Variants in DGKB observed in about 807,000 individuals in gnomAD.
The protein encoded by DGKB is diacylglycerol kinase beta.
DGKB carries 67 observed loss-of-function variants against 114.3 expected under a neutral mutation model. The observed-to-expected ratio is 0.59, with a 90% CI of 0.48 to 0.72. DGKB has a LOEUF of 0.72. Ranked by LOEUF, DGKB falls within the 30% of genes least tolerant of loss-of-function variation. DGKB has a pLI of 0.00. For synonymous variants in DGKB, 398 were observed against 323.1 expected, an observed-to-expected ratio of 1.23 and a Z score of -2.49; for missense variants, 907 against 975.2, an observed-to-expected ratio of 0.93 and a Z score of 0.93.
intron 21 of DGKB, among the ~76,000 whole-genome samples, chr7:14,452,376 A>G (rs1831655132): frequency 6.6e-6 from 1 of 152,074 alleles, no homozygotes; most frequent in African/African-American, 2.4e-5. Flanking sequence ...TTGAAAATAT[A>G]TTTTAAAATA....
chr7:14,225,431 C>A (rs77413402), intron 23 of DGKB, among the ~76,000 whole-genome samples: 14,788 of 151,942 alleles, frequency 0.097, 886 homozygotes, highest in East Asian at 0.2. Flanking sequence ...ACCATAAGAC[C>A]ATGTAGAGAG....
chr7:14,352,503 A>T (rs1813659861), intron 21 of DGKB, among the ~76,000 whole-genome samples: 1 of 58,012 alleles, frequency 1.7e-5, no homozygotes, highest in Non-Finnish European at 3.5e-5. Context: ...TTGCAGAGTC[A>T]TACAAAAACG....
chr7:14,658,096 G>A (rs1816229108), intron 13 of DGKB, among the ~76,000 whole-genome samples: 1 of 151,984 alleles, frequency 6.6e-6, no homozygotes, highest in Non-Finnish European at 1.5e-5. Flanking sequence ...TTGTGGAAGA[G>A]CAAGCAAGAT....
At position 14,399,718 on chromosome 7, in the gene DGKB, T is replaced by C. The variant is rs1822794786; in HGVS notation, c.1836-54327A>G. 3.3e-5 allele frequency among the ~76,000 whole-genome samples: 5 copies of C among 151,910 alleles called. No individual in the cohort carries two copies. In the South Asian group the frequency reaches 1.0e-3, roughly 31 times the overall value. On this transcript the variant is annotated intron_variant, in intron 21 of 25. Coordinates refer to ENST00000402815, the MANE Select transcript of DGKB (RefSeq NM_001350709.2). ...AGACTATGGGATGACATCCAAATTA[T>C]GTGTTTCTAGAATGGCAATGAAAAT...
intron 2 of DGKB, among the ~76,000 whole-genome samples, chr7:14,803,600 G>A (rs756745791): frequency 3.9e-5 from 6 of 152,062 alleles, no homozygotes; most frequent in African/African-American, 1.2e-4. Flanking sequence ...TGTCCCTTTC[G>A]GGCTGAGTTA....
chr7:14,439,555 T>G (rs992942854), intron 21 of DGKB, among the ~76,000 whole-genome samples: 1 of 152,250 alleles, frequency 6.6e-6, no homozygotes, highest in African/African-American at 2.4e-5. Flanking sequence ...TTTCTTTATG[T>G]ATGTATAGGT....
rs935513614 is a variant in DGKB at position 14,611,036 on chromosome 7, G to A, written c.1358+2304C>T. Among the ~76,000 whole-genome samples the A allele has an allele frequency of 8.6e-5, 13 of 151,982 alleles. No homozygotes were observed. The Middle Eastern group carries it at 0.01, about 119-fold the overall frequency. On this transcript the variant is annotated intron_variant, in intron 16 of 25. Transcript: ENST00000402815. ...CTCTTTTTCCTTACATTGTCATCCC[G>A]GTAAATTCCTCTTGGTTGACACCCT...
chr7:14,260,072 A>G (rs1258020078), intron 23 of DGKB, among the ~76,000 whole-genome samples: 8 of 145,160 alleles, frequency 5.5e-5, no homozygotes. Context: ...ACACATATAC[A>G]TCCCTACATA....
At chr7:14,945,001 T>C (rs1407028394) in intron 1 of DGKB, among the ~76,000 whole-genome samples, 1 of 151,736 alleles carries the variant, frequency 6.6e-6, no homozygotes, top group Non-Finnish European at 1.5e-5. Flanking sequence ...AGTATGTATG[T>C]AACAGAATGA....
chr7:14,151,943 G>C (rs1782271886), intron 25 of DGKB, among the ~76,000 whole-genome samples: 1 of 152,028 alleles, frequency 6.6e-6, no homozygotes, highest in Admixed American at 6.6e-5. Context: ...TGGATTGTCG[G>C]TGTCACAGTT....
intron 13 of DGKB, among the ~76,000 whole-genome samples, chr7:14,670,449 C>T (rs1308645640): frequency 6.6e-6 from 1 of 151,882 alleles, no homozygotes; most frequent in Non-Finnish European, 1.5e-5. Flanking sequence ...ATTACAGGTG[C>T]CTGCCACCAC....
chr7:14,338,808 A>G (rs1227899864), intron 22 of DGKB, 98 bp from the exon 23 acceptor site: 3 of 732,620 alleles, frequency 4.1e-6, no homozygotes, highest in Non-Finnish European at 6.0e-6. Flanking sequence ...AGTGCGTTGA[A>G]ATCCATAATG....
At position 14,630,226 on chromosome 7, in the gene DGKB, G is replaced by C; in HGVS notation, c.1167+10C>G. 1 of 1,542,246 alleles carries C rather than the reference G, an allele frequency of 6.5e-7. No individual in the cohort carries two copies. Among genetic ancestry groups the C allele is most frequent in the East Asian group, 2.4e-5 (1 of 41,456 alleles). On this transcript the variant is annotated intron_variant, in intron 14 of 25. Transcript: ENST00000402815. ...ATTTTAAGTGTGAAAACCTGTTTTTGCTTACGCACCTCAGGAACTGAAACT... is the reference window on the plus strand; with the variant it reads ...ATTTTAAGTGTGAAAACCTGTTTTTCCTTACGCACCTCAGGAACTGAAACT...
intron 21 of DGKB, among the ~76,000 whole-genome samples, chr7:14,470,591 A>T (rs781563595): frequency 4.0e-4 from 61 of 151,982 alleles, no homozygotes; most frequent in South Asian, 4.1e-4. Context: ...AGAAAACATG[A>T]ATTCCTACAA....
intron 2 of DGKB, among the ~76,000 whole-genome samples, chr7:14,823,632 T>A (rs1315680365): frequency 1.3e-5 from 2 of 152,164 alleles, no homozygotes; most frequent in Admixed American, 1.3e-4. Flanking sequence ...AAAAAAACAA[T>A]GTTTAGAATT....
chr7:14,362,851 T>G (rs1302660153), intron 21 of DGKB, among the ~76,000 whole-genome samples: 1 of 152,102 alleles, frequency 6.6e-6, no homozygotes, highest in East Asian at 1.9e-4. Flanking sequence ...TAAGCTTCCT[T>G]CTATGCAGTG....
chr7:14,968,854 T>C (rs942268443), intron 1 of DGKB, among the ~76,000 whole-genome samples: 45 of 152,338 alleles, frequency 3.0e-4, no homozygotes, highest in African/African-American at 1.0e-3. Flanking sequence ...ACCATACATT[T>C]GCATCATGCA....
rs189934603 is a variant in DGKB at position 14,921,302 on chromosome 7, G to A, written c.-188+53394C>T. Reference sequence around the variant, plus strand: ...ATTAATTATAAGAGATGTAGGACACGAATGCAAGATGTGTGCTGGCAAAAT... The same window carrying A: ...ATTAATTATAAGAGATGTAGGACACAAATGCAAGATGTGTGCTGGCAAAAT... On this transcript the variant is annotated intron_variant, in intron 1 of 4. Transcript: ENST00000437998. Among the ~76,000 whole-genome samples the A allele has an allele frequency of 1.6e-3, 240 of 152,230 alleles. 1 individual carries two copies. Among genetic ancestry groups the A allele is most frequent in the Non-Finnish European group, 2.6e-3 (178 of 67,984 alleles).
chr7:14,325,638 T>A (rs1175330003), intron 23 of DGKB, among the ~76,000 whole-genome samples: 1 of 152,146 alleles, frequency 6.6e-6, no homozygotes, highest in Non-Finnish European at 1.5e-5. Context: ...AGAACCTAAT[T>A]CTTCATTAGA....
Sources: gnomAD v4.1 joint callset for allele counts (sites outside exome capture counted in the v4.1 genomes callset) on GRCh38, gnomAD v4.1.1 for gene constraint, MANE v1.5 for transcripts, NCBI Gene and HGNC (gene_info 2026-07-23, HGNC 2026-07-21) for gene names.